The following UNC79 variants were observed in gnomAD, a reference collection of about 807,000 sequenced individuals.
The protein encoded by UNC79 is unc-79 subunit of NALCN channel complex.
Under a neutral mutation model 283.1 loss-of-function variants are expected in UNC79, and 37 were observed. The observed-to-expected ratio is 0.13, with a 90% CI of 0.10 to 0.17. The LOEUF is 0.17. UNC79 is among the 10% of genes least tolerant of loss of function. The probability of loss-of-function intolerance (pLI) is 1.00; values close to 1 mark genes in which losing one functional copy is unlikely to be tolerated. For synonymous variants in UNC79, 1,107 were observed against 1,200.2 expected (o/e 0.92, Z 1.61); for missense variants, 2,272 against 3,211.1 (o/e 0.71, Z 7.07).
chr14:93,609,302 G>C (rs2066125122), intron 26 of UNC79, among the ~76,000 whole-genome samples: 1 of 152,188 alleles, frequency 6.6e-6, no homozygotes, highest in Non-Finnish European at 1.5e-5. Flanking sequence ...AGATCCACGA[G>C]TAGCCCAGCT....
chr14:93,382,329 G>C (rs1357230701), intron 1 of UNC79, among the ~76,000 whole-genome samples: 2 of 152,050 alleles, frequency 1.3e-5, no homozygotes, highest in Non-Finnish European at 2.9e-5. Flanking sequence ...ATGTGTAAGA[G>C]TATGTGGTAG....
At chr14:93,427,394 A>G (rs8004985), upstream of UNC79, among the ~76,000 whole-genome samples, 7 of 152,128 alleles carry the variant, frequency 4.6e-5, no homozygotes, top group African/African-American at 1.7e-4. Context: ...TTTTAAAAAG[A>G]TATGTATAGT....
intron 1 of UNC79, among the ~76,000 whole-genome samples, chr14:93,450,758 A>C (rs954935722): frequency 4.6e-5 from 7 of 152,202 alleles, no homozygotes. Context: ...AACAAAGTGC[A>C]TTGCTATGTG....
chr14:93,486,016 G>T (rs1187986754), intron 4 of UNC79, among the ~76,000 whole-genome samples: 1 of 152,086 alleles, frequency 6.6e-6, no homozygotes, highest in African/African-American at 2.4e-5. Flanking sequence ...TCTATTAGAA[G>T]TTATCTATCC....
intron 4 of UNC79, among the ~76,000 whole-genome samples, chr14:93,484,091 G>A (rs145407166): frequency 0.019 from 2,882 of 152,238 alleles, 42 homozygotes; most frequent in Middle Eastern, 0.044. Flanking sequence ...CTAGATCCTT[G>A]AGGAACCACC....
intron 4 of UNC79, among the ~76,000 whole-genome samples, chr14:93,479,619 CCT>C (rs1000571473): frequency 2.0e-5 from 3 of 150,482 alleles, no homozygotes; most frequent in South Asian, 4.2e-4. Flanking sequence ...TTCCTCCCTT[CCT>C]CTCTCTCTCT....
At position 93,507,088 on chromosome 14, in the gene UNC79, T is replaced by C. The variant is rs113529817; in HGVS notation, c.898+9802T>C. ...CATGTTAGTGGATATTAGTAGTTCTTTTTTTTATTGCTAAGTATTCCATTG... is the reference window on the plus strand; with the variant it reads ...CATGTTAGTGGATATTAGTAGTTCTCTTTTTTATTGCTAAGTATTCCATTG... On this transcript the variant is annotated intron_variant, in intron 7 of 48. Coordinates refer to ENST00000555664, the Ensembl canonical transcript of UNC79. Among the ~76,000 whole-genome samples the C allele has an allele frequency of 8.6e-3, 1,307 of 152,312 alleles. 19 individuals carry two copies. Among genetic ancestry groups the C allele is most frequent in the African/African-American group, 0.03 (1,252 of 41,582 alleles).
At chr14:93,686,035 T>C (rs2074214341) in intron 42 of UNC79, among the ~76,000 whole-genome samples, 1 of 152,182 alleles carries the variant, frequency 6.6e-6, no homozygotes, top group African/African-American at 2.4e-5. Flanking sequence ...AGAAGTTAAT[T>C]TGCAAGCGAC....
intron 7 of UNC79, among the ~76,000 whole-genome samples, chr14:93,503,343 T>C (rs996570430): frequency 6.6e-6 from 1 of 152,108 alleles, no homozygotes; most frequent in Non-Finnish European, 1.5e-5. Flanking sequence ...CTGGCTTTTA[T>C]ATATAATGTT....
chr14:93,406,888 T>G (rs1310119553), intron 1 of UNC79, among the ~76,000 whole-genome samples: 1 of 152,126 alleles, frequency 6.6e-6, no homozygotes, highest in African/African-American at 2.4e-5. Context: ...ACAACAAAAA[T>G]TTATTCTGTT....
At chr14:93,517,408 T>C (rs551037230) in intron 7 of UNC79, among the ~76,000 whole-genome samples, 1 of 148,796 alleles carries the variant, frequency 6.7e-6, no homozygotes, top group African/African-American at 2.5e-5. Flanking sequence ...TTTCTCCCAA[T>C]CTTTGGGGAG....
At chr14:93,525,001 C>T (rs2060481870) in intron 8 of UNC79, among the ~76,000 whole-genome samples, 1 of 152,042 alleles carries the variant, frequency 6.6e-6, no homozygotes, top group African/African-American at 2.4e-5. Context: ...ATAAAAGAAA[C>T]CAAAAATGTG....
intron 32 of UNC79, among the ~76,000 whole-genome samples, chr14:93,640,785 C>T (rs1204923392): frequency 6.6e-6 from 1 of 152,106 alleles, no homozygotes; most frequent in Non-Finnish European, 1.5e-5. Context: ...GGGAAGTTTC[C>T]ATTTATGCCT....
intron 5 of UNC79, among the ~76,000 whole-genome samples, chr14:93,493,900 TA>T (rs1239637741): frequency 2.1e-3 from 54 of 26,182 alleles, no homozygotes; most frequent in African/African-American, 3.4e-3. Flanking sequence ...TATATATATA[TA>T]TTTTTTTTTT....
At chr14:93,651,748 GT>G (rs564899568) in intron 35 of UNC79, among the ~76,000 whole-genome samples, 1 of 150,532 alleles carries the variant, frequency 6.6e-6, no homozygotes, top group African/African-American at 2.4e-5. Flanking sequence ...TGTTTCTTTT[GT>G]TTTTTTTGAA....
At chr14:93,704,265 A>G (rs1398507973) in intron 47 of UNC79, among the ~76,000 whole-genome samples, 1 of 152,242 alleles carries the variant, frequency 6.6e-6, no homozygotes, top group East Asian at 1.9e-4. Context: ...CATTCCACTC[A>G]GACACTCAGT....
At chr14:93,520,052 C>T (rs946680040) in intron 7 of UNC79, among the ~76,000 whole-genome samples, 9 of 151,900 alleles carry the variant, frequency 5.9e-5, no homozygotes, top group Middle Eastern at 6.8e-3. Flanking sequence ...TCCTTTAGCC[C>T]GAAAAACTTC....
At position 93,639,593 on chromosome 14, in the gene UNC79, T is replaced by C. The variant is rs141483583; in HGVS notation, c.5801-1552T>C. On this transcript the variant is annotated intron_variant, in intron 32 of 48. Coordinates refer to ENST00000555664, the Ensembl canonical transcript of UNC79. ...TTATCTTGGATATAGCTGATAAACA[T>C]AGTAGTAAAATTTGGATTCCCATTT... Among the ~76,000 whole-genome samples the C allele has an allele frequency of 2.6e-4, 40 of 152,320 alleles. 1 individual carries two copies. Among genetic ancestry groups the C allele is most frequent in the African/African-American group, 7.9e-4 (33 of 41,566 alleles).
intron 24 of UNC79, among the ~76,000 whole-genome samples, chr14:93,599,806 G>C (rs2065358255): frequency 6.6e-6 from 1 of 152,126 alleles, no homozygotes; most frequent in Admixed American, 6.5e-5. Flanking sequence ...GCTTTTTTCG[G>C]AATCATGAAA....
Sources: gnomAD v4.1 joint callset for allele counts (sites outside exome capture counted in the v4.1 genomes callset) on GRCh38, gnomAD v4.1.1 for gene constraint, MANE v1.5 for transcripts, NCBI Gene and HGNC (gene_info 2026-07-23, HGNC 2026-07-21) for gene names.